GJB7: variants seen among roughly 807,000 people sequenced by gnomAD.
The protein encoded by GJB7 is gap junction protein beta 7, also known as gap junction beta-7 protein.
For synonymous variants in GJB7, 87 were observed against 95.2 expected (o/e 0.91, Z 0.50); for missense variants, 253 against 256.8 (o/e 0.99, Z 0.10).
At chr6:87,290,656 T>C (rs1776154407) in intron 2 of GJB7, among the ~76,000 whole-genome samples, 1 of 152,216 alleles carries the variant, frequency 6.6e-6, no homozygotes, top group African/African-American at 2.4e-5. Flanking sequence ...TCAGCATTTC[T>C]GCACTCATAT....
intron 2 of GJB7, among the ~76,000 whole-genome samples, chr6:87,285,543 C>T (rs1382791806): frequency 6.6e-6 from 1 of 152,314 alleles, no homozygotes; most frequent in Non-Finnish European, 1.5e-5. Flanking sequence ...TCCAGACTGA[C>T]ATATTCATAC....
At chr6:87,304,523 G>A (rs1251335219) in intron 2 of GJB7, among the ~76,000 whole-genome samples, 3 of 152,156 alleles carry the variant, frequency 2.0e-5, no homozygotes, top group Admixed American at 2.0e-4. Context: ...TGAAATTGAG[G>A]CAATAATTAA....
In GJB7 at chr6:87,284,316, A is replaced by C. The variant is rs1404081051; in HGVS notation, c.597T>G (p.Ser199Arg). Residue 199 changes from serine (S) to arginine (R), a missense_variant, in exon 3 of 3, where the codon AGT becomes AGG. Coordinates refer to ENST00000525899, the MANE Select transcript of GJB7 (RefSeq NM_198568.3). ...LCIVLNFIEL[S>R]FLVLKCFIKC... ...TAATAAAGCACTTGAGAACCAAAAA[A>C]CTCAGTTCAATGAAATTCAACACAA... is the stretch of plus-strand genomic sequence containing the variant. 2 of 1,613,986 alleles carry C rather than the reference A, an allele frequency of 1.2e-6. No homozygotes were observed. The highest frequency in any genetic ancestry group is 4.5e-5 in the East Asian group (2 of 44,868).
intron 1 of GJB7, among the ~76,000 whole-genome samples, chr6:87,327,155 G>T (rs1233871776): frequency 6.6e-6 from 1 of 150,694 alleles, no homozygotes; most frequent in Non-Finnish European, 1.5e-5. Context: ...TTGAGCCTAT[G>T]TGTGTCTCTG....
chr6:87,301,104 G>A (rs1373981657), intron 2 of GJB7, among the ~76,000 whole-genome samples: 4 of 152,158 alleles, frequency 2.6e-5, no homozygotes, highest in African/African-American at 9.7e-5. Context: ...CAGCATGAGC[G>A]ACAGAGAAGA....
chr6:87,288,560 C>T lies in GJB7; in HGVS notation c.-27-3621G>A, dbSNP rs527285164. Among the ~76,000 whole-genome samples, 153 of 152,258 alleles carry T rather than the reference C, an allele frequency of 1.0e-3. 2 individuals are homozygous for T. Among genetic ancestry groups the T allele is most frequent in the Non-Finnish European group, 9.3e-4 (63 of 68,018 alleles). On this transcript the variant is annotated intron_variant, in intron 2 of 2. Transcript: ENST00000525899. The stretch of plus-strand genomic sequence containing the variant: ...CTTCTTATCATCTCCAATAGGATGT[C>T]ATCTCATAAACTTAAAATATTCAAA...
intron 2 of GJB7, among the ~76,000 whole-genome samples, chr6:87,287,311 C>T (rs1237119380): frequency 1.3e-5 from 2 of 152,180 alleles, no homozygotes; most frequent in Non-Finnish European, 2.9e-5. Context: ...AAAAGAGAAT[C>T]ATGGAAATGG....
intron 2 of GJB7, among the ~76,000 whole-genome samples, chr6:87,321,810 G>T (rs1319084004): frequency 6.6e-6 from 1 of 152,202 alleles, no homozygotes; most frequent in African/African-American, 2.4e-5. Flanking sequence ...CATGGTGGAA[G>T]AGGAAACAAG....
chr6:87,287,259 G>T (rs1776077156), intron 2 of GJB7, among the ~76,000 whole-genome samples: 1 of 152,142 alleles, frequency 6.6e-6, no homozygotes. Flanking sequence ...GTTTCCTATA[G>T]TACAATAATT....
chr6:87,322,355 T>C (rs1776680490), intron 2 of GJB7: 2 of 152,140 alleles, frequency 1.3e-5, no homozygotes, highest in Non-Finnish European at 1.5e-5. Flanking sequence ...TAATTTGAAG[T>C]TGGGAGGTGG....
In GJB7 at chr6:87,284,737, C is replaced by T. The variant is rs745724761; in HGVS notation, c.176G>A (p.Gly59Asp). ...KEFECNSRQP[G>D]CKNVCFDDFF... ...GTCATCAAAACACACATTTTTGCAA[C>T]CGGGCTGTCTACTGTTGCACTCAAA... Residue 59 changes from glycine to aspartate, a missense_variant, in exon 3 of 3, where the codon GGT (glycine) becomes GAT (aspartate). Physicochemically the swap from Gly to Asp is moderately conservative, Grantham distance 94 (BLOSUM62 -1). Transcript: ENST00000525899. 240 of 1,613,986 alleles carry T rather than the reference C, an allele frequency of 1.5e-4. No homozygotes were observed. Among genetic ancestry groups the T allele is most frequent in the South Asian group, 1.9e-4 (17 of 91,090 alleles).
chr6:87,303,042 G>A (rs1186795895), intron 2 of GJB7, among the ~76,000 whole-genome samples: 3 of 152,176 alleles, frequency 2.0e-5, no homozygotes, highest in African/African-American at 4.8e-5. Context: ...AACATGGAAA[G>A]GAACAACCAG....
In GJB7 at chr6:87,323,560, T is replaced by C. The variant is rs542381581; in HGVS notation, c.-205-517A>G. Among the ~76,000 whole-genome samples, 519 of 152,064 alleles carry C rather than the reference T, an allele frequency of 3.4e-3. 5 individuals carry two copies. Among genetic ancestry groups the C allele is most frequent in the Non-Finnish European group, 4.7e-3 (320 of 67,996 alleles). ...TGTTCTTGCGATAGTTTACTGAGAATGATGATTTCCAATTTCATCCATGTC... is the reference window on the plus strand; with the variant it reads ...TGTTCTTGCGATAGTTTACTGAGAACGATGATTTCCAATTTCATCCATGTC... On this transcript the variant is annotated intron_variant, in intron 1 of 2. Coordinates refer to ENST00000525899, the MANE Select transcript of GJB7 (RefSeq NM_198568.3).
At chr6:87,317,870 T>C (rs1348173532) in intron 2 of GJB7, among the ~76,000 whole-genome samples, 3 of 114,570 alleles carry the variant, frequency 2.6e-5, no homozygotes, top group Non-Finnish European at 5.8e-5. Flanking sequence ...ACACTGATAA[T>C]AAACTTATGC....
intron 2 of GJB7, among the ~76,000 whole-genome samples, chr6:87,289,414 T>C (rs892656478): frequency 6.6e-6 from 1 of 152,228 alleles, no homozygotes. Context: ...ACAGGAAATT[T>C]TGAATTTCAG....
intron 2 of GJB7, among the ~76,000 whole-genome samples, chr6:87,294,610 C>CT (rs1337988604): frequency 3.9e-5 from 6 of 152,194 alleles, no homozygotes; most frequent in African/African-American, 1.4e-4. Flanking sequence ...GGGTTCTGGT[C>CT]TTTTTTGCAC....
rs1776022494 is a variant in GJB7, at chr6:87,284,415, C to T, written c.498G>A (p.Val166=). Residue 166 remains valine, a synonymous_variant, in exon 3 of 3, where the codon GTG becomes GTA. Transcript: ENST00000525899. ...CAGTGGGTTTGGAGATGAAGCAGTC[C>T]ACAGTGTTGGGACAAGGCTTCAAAT... ...KCDLKPCPNT[V]DCFISKPTEK... 3.1e-6 allele frequency: 5 copies of T among 1,613,886 alleles called. No individual in the cohort carries two copies. Among genetic ancestry groups the T allele is most frequent in the Non-Finnish European group, 4.2e-6 (5 of 1,179,978 alleles).
intron 1 of GJB7, among the ~76,000 whole-genome samples, chr6:87,323,619 G>A (rs1776730141): frequency 6.6e-6 from 1 of 151,900 alleles, no homozygotes; most frequent in Non-Finnish European, 1.5e-5. Flanking sequence ...ATTTTTTATG[G>A]CTGCATAGTA....
chr6:87,297,793 C>T (rs1229697194), intron 2 of GJB7, among the ~76,000 whole-genome samples: 1 of 152,148 alleles, frequency 6.6e-6, no homozygotes, highest in Non-Finnish European at 1.5e-5. Flanking sequence ...TAGTGGTGCT[C>T]CTCACTCCAC....
Sources: allele counts gnomAD v4.1 joint callset (sites outside exome capture counted in the v4.1 genomes callset), GRCh38; gene constraint gnomAD v4.1.1; transcripts MANE v1.5; gene names NCBI Gene and HGNC (gene_info 2026-07-23, HGNC 2026-07-21).